The following TTC29 variants were observed in gnomAD, a reference collection of about 807,000 sequenced individuals.
The protein encoded by TTC29 is tetratricopeptide repeat protein 29.
Under a neutral mutation model 58.1 loss-of-function variants are expected in TTC29, and 49 were observed. The observed-to-expected ratio is 0.84, with a 90% CI of 0.67 to 1.07. The LOEUF is 1.07. Ranked by LOEUF, TTC29 falls within the 50% of genes least tolerant of loss-of-function variation. TTC29 has a pLI of 0.00. For synonymous variants in TTC29, 209 were observed against 196.8 expected, an observed-to-expected ratio of 1.06 and a Z score of -0.52; for missense variants, 582 against 555.6, an observed-to-expected ratio of 1.05 and a Z score of -0.48.
At chr4:146,709,422 C>A (rs1742323781) in intron 11 of TTC29, among the ~76,000 whole-genome samples, 1 of 151,840 alleles carries the variant, frequency 6.6e-6, no homozygotes, top group Non-Finnish European at 1.5e-5. Flanking sequence ...TTTTCTGTCT[C>A]TTCTTCCTTC....
At chr4:146,892,788 T>C (rs975123266) in intron 6 of TTC29, among the ~76,000 whole-genome samples, 5 of 152,180 alleles carry the variant, frequency 3.3e-5, no homozygotes, top group Non-Finnish European at 7.3e-5. Flanking sequence ...GAAAACCCCA[T>C]TGTCTCAGCC....
At chr4:146,829,381 T>C (rs1159465590) in intron 9 of TTC29, among the ~76,000 whole-genome samples, 1 of 152,180 alleles carries the variant, frequency 6.6e-6, no homozygotes, top group Non-Finnish European at 1.5e-5. Flanking sequence ...GCATGAAAAC[T>C]TAATCATTTA....
chr4:146,862,994 C>T (rs1480799947), intron 8 of TTC29, among the ~76,000 whole-genome samples: 3 of 151,864 alleles, frequency 2.0e-5, no homozygotes, highest in South Asian at 4.2e-4. Flanking sequence ...TGGTGGCATG[C>T]GCCTGTAGTC....
chr4:146,767,196 T>C (rs1258460453), intron 11 of TTC29, among the ~76,000 whole-genome samples: 1 of 151,990 alleles, frequency 6.6e-6, no homozygotes, highest in Non-Finnish European at 1.5e-5. Flanking sequence ...TCATATCTGA[T>C]AGCTAGAATC....
chr4:146,747,434 GC>G (rs1745632286), intron 11 of TTC29, among the ~76,000 whole-genome samples: 1 of 152,138 alleles, frequency 6.6e-6, no homozygotes, highest in South Asian at 2.1e-4. Flanking sequence ...GCCTCTTAGG[GC>G]TAAGCTATCG....
intron 11 of TTC29, among the ~76,000 whole-genome samples, chr4:146,760,211 T>G (rs1746772957): frequency 6.6e-6 from 1 of 151,776 alleles, no homozygotes; most frequent in African/African-American, 2.4e-5. Context: ...TTTAAAATAC[T>G]TAGCAATATA....
At chr4:146,821,985 G>GTTTTTTTT (rs34100285) in intron 9 of TTC29, among the ~76,000 whole-genome samples, 3 of 109,594 alleles carry the variant, frequency 2.7e-5, no homozygotes, top group Non-Finnish European at 3.7e-5. Context: ...CATGTCTAGT[G>GTTTTTTTT]TTTTTTTTTT....
At chr4:146,875,370 G>A (rs1023661203) in intron 6 of TTC29, among the ~76,000 whole-genome samples, 8 of 152,160 alleles carry the variant, frequency 5.3e-5, no homozygotes, top group Admixed American at 3.3e-4. Flanking sequence ...CCAAAATTTA[G>A]TAAGGTTAAG....
intron 11 of TTC29, among the ~76,000 whole-genome samples, chr4:146,752,521 T>C (rs559733547): frequency 2.0e-5 from 3 of 151,822 alleles, no homozygotes; most frequent in Admixed American, 6.6e-5. Flanking sequence ...AAGCTACCAA[T>C]GCCTTTCTTC....
chr4:146,892,953 C>A (rs993877068), intron 6 of TTC29, among the ~76,000 whole-genome samples: 1 of 152,042 alleles, frequency 6.6e-6, no homozygotes, highest in Admixed American at 6.6e-5. Context: ...GAATAAAATA[C>A]CTAGGAATCC....
chr4:146,861,822 T>G (rs1055378041), intron 8 of TTC29, among the ~76,000 whole-genome samples: 1 of 151,974 alleles, frequency 6.6e-6, no homozygotes, highest in African/African-American at 2.4e-5. Context: ...ATGAATAACA[T>G]TATTGGAAGG....
At chr4:146,923,742 A>G (rs925322107) in intron 4 of TTC29, among the ~76,000 whole-genome samples, 5 of 151,882 alleles carry the variant, frequency 3.3e-5, no homozygotes, top group African/African-American at 1.2e-4. Flanking sequence ...CACAATCCCA[A>G]TAAAAGCTTA....
intron 10 of TTC29, among the ~76,000 whole-genome samples, chr4:146,805,405 T>C (rs577753567): frequency 3.3e-5 from 5 of 151,880 alleles, no homozygotes; most frequent in East Asian, 2.0e-4. Flanking sequence ...CTGACAGAAG[T>C]AGGTTTCAGA....
At chr4:146,776,648 C>T (rs1040400215) in intron 11 of TTC29, among the ~76,000 whole-genome samples, 1 of 152,166 alleles carries the variant, frequency 6.6e-6, no homozygotes, top group South Asian at 2.1e-4. Flanking sequence ...AATCTGCTGC[C>T]AAGGTGCTCC....
intron 6 of TTC29, among the ~76,000 whole-genome samples, chr4:146,884,220 A>G (rs1287830857): frequency 6.6e-6 from 1 of 152,142 alleles, no homozygotes; most frequent in Non-Finnish European, 1.5e-5. Flanking sequence ...GTTTCTAACT[A>G]TCAAATTCAC....
chr4:146,931,089 T>C (rs1431508893), intron 4 of TTC29, among the ~76,000 whole-genome samples: 5 of 152,070 alleles, frequency 3.3e-5, no homozygotes. Flanking sequence ...ACAGCTGTAA[T>C]GCCAGCACTT....
chr4:146,784,298 A>G (rs1252008020), intron 11 of TTC29, among the ~76,000 whole-genome samples: 1 of 152,122 alleles, frequency 6.6e-6, no homozygotes, highest in Non-Finnish European at 1.5e-5. Context: ...TTTAAAAAAA[A>G]TTAAAAATAG....
chr4:146,811,071 G>A (rs996759173), intron 10 of TTC29, among the ~76,000 whole-genome samples: 2 of 152,036 alleles, frequency 1.3e-5, no homozygotes, highest in Non-Finnish European at 2.9e-5. Flanking sequence ...CCAATCAAAT[G>A]ATCATTTAAA....
intron 11 of TTC29, among the ~76,000 whole-genome samples, chr4:146,752,677 C>G (rs1433517726): frequency 2.0e-5 from 3 of 152,072 alleles, no homozygotes; most frequent in African/African-American, 7.2e-5. Context: ...GTAACCAAAA[C>G]AGCATGGTAC....
Sources: gnomAD v4.1 joint callset for allele counts (sites outside exome capture counted in the v4.1 genomes callset) on GRCh38, gnomAD v4.1.1 for gene constraint, MANE v1.5 for transcripts, NCBI Gene and HGNC (gene_info 2026-07-23, HGNC 2026-07-21) for gene names.